The following PCSK2 variants were observed in gnomAD, a reference collection of about 807,000 sequenced individuals.
PCSK2 encodes neuroendocrine convertase 2.
PCSK2 carries 14 observed loss-of-function variants against 69.7 expected under a neutral mutation model. The ratio of observed to expected loss-of-function variants is 0.20; its 90% CI spans 0.13 to 0.31. The LOEUF (loss-of-function observed/expected upper bound fraction) is 0.31. Ranked by LOEUF, PCSK2 falls within the 10% of genes least tolerant of loss-of-function variation. The probability of loss-of-function intolerance (pLI) is 1.00; values close to 1 mark genes in which losing one functional copy is unlikely to be tolerated. For synonymous variants in PCSK2, 307 were observed against 320.7 expected (o/e 0.96, Z 0.46); for missense variants, 544 against 842.5 (o/e 0.65, Z 4.39).
intron 2 of PCSK2, among the ~76,000 whole-genome samples, chr20:17,312,664 A>G (rs1454139346): frequency 6.6e-6 from 1 of 151,986 alleles, no homozygotes; most frequent in Non-Finnish European, 1.5e-5. Flanking sequence ...GCCAGGTCAG[A>G]TGATTTTTTT....
At chr20:17,436,253 C>A (rs2123350350) in intron 7 of PCSK2, among the ~76,000 whole-genome samples, 1 of 152,284 alleles carries the variant, frequency 6.6e-6, no homozygotes, top group South Asian at 2.1e-4. Context: ...TCTCTCTGTC[C>A]CCTGCCCTCT....
chr20:17,226,847 G>T (rs529820524), upstream of PCSK2: 7 of 143,104 alleles, frequency 4.9e-5, no homozygotes, highest in African/African-American at 7.6e-5. Flanking sequence ...GGAGGCGGCC[G>T]GGCCGGGCCG....
chr20:17,476,674 T>C (rs1247117460), intron 11 of PCSK2, among the ~76,000 whole-genome samples: 2 of 152,358 alleles, frequency 1.3e-5, no homozygotes, highest in Non-Finnish European at 1.5e-5. Context: ...GCTCAGATCA[T>C]GCAAATACTT....
chr20:17,238,548 C>G (rs540352539), intron 1 of PCSK2, among the ~76,000 whole-genome samples: 1 of 152,204 alleles, frequency 6.6e-6, no homozygotes, highest in South Asian at 2.1e-4. Flanking sequence ...AGCATTTGAG[C>G]CTTGTTGCTC....
chr20:17,386,922 A>G (rs2031251660), intron 5 of PCSK2, among the ~76,000 whole-genome samples: 1 of 152,194 alleles, frequency 6.6e-6, no homozygotes, highest in African/African-American at 2.4e-5. Flanking sequence ...AGACCTTTGC[A>G]CTAAATACCT....
chr20:17,402,454 T>C (rs1387056300), intron 5 of PCSK2, among the ~76,000 whole-genome samples: 1 of 147,424 alleles, frequency 6.8e-6, no homozygotes, highest in African/African-American at 2.5e-5. Context: ...TCACTTGACG[T>C]CTGGAGTTCG....
chr20:17,243,167 TATTTC>T (rs1986646903), intron 1 of PCSK2, among the ~76,000 whole-genome samples: 1 of 152,220 alleles, frequency 6.6e-6, no homozygotes, highest in South Asian at 2.1e-4. Flanking sequence ...ATGTACTCTA[TATTTC>T]ATTTCCAATG....
At position 17,478,789 on chromosome 20, in the gene PCSK2, G is replaced by T. The variant is rs546115465; in HGVS notation, c.1431-2795G>T. Among the ~76,000 whole-genome samples, 9 of 152,160 alleles carry T rather than the reference G, an allele frequency of 5.9e-5. No homozygotes were observed. The South Asian group carries it at 1.7e-3, about 28-fold the overall frequency. On this transcript the variant is annotated intron_variant, in intron 11 of 11. Transcript: ENST00000262545. ...TGAATGGAGTTCCCCATCACCTTACGTACAAAATATTAGTGAAAAGCTAGT... is the reference window on the plus strand; with the variant it reads ...TGAATGGAGTTCCCCATCACCTTACTTACAAAATATTAGTGAAAAGCTAGT...
At chr20:17,341,226 C>T (rs151338542) in intron 2 of PCSK2, among the ~76,000 whole-genome samples, 13 of 152,228 alleles carry the variant, frequency 8.5e-5, no homozygotes, top group East Asian at 3.9e-4. Flanking sequence ...GAAGGCAGAG[C>T]GGGACTGTCT....
At chr20:17,467,753 G>A (rs768120864) in intron 11 of PCSK2, among the ~76,000 whole-genome samples, 9 of 151,894 alleles carry the variant, frequency 5.9e-5, no homozygotes, top group Admixed American at 3.3e-4. Flanking sequence ...TTTTTCCTCC[G>A]CAGGCTGCTG....
At chr20:17,329,089 C>A (rs1414622672) in intron 2 of PCSK2, among the ~76,000 whole-genome samples, 1 of 152,126 alleles carries the variant, frequency 6.6e-6, no homozygotes, top group African/African-American at 2.4e-5. Flanking sequence ...AATTAAAATA[C>A]CAAACACAGT....
intron 5 of PCSK2, among the ~76,000 whole-genome samples, chr20:17,402,393 C>T (rs1455621619): frequency 6.6e-6 from 1 of 152,206 alleles, no homozygotes; most frequent in African/African-American, 2.4e-5. Flanking sequence ...TGGCCAGGCA[C>T]AGAGGCTCAT....
At chr20:17,329,062 TA>T (rs1401408284) in intron 2 of PCSK2, among the ~76,000 whole-genome samples, 4 of 152,194 alleles carry the variant, frequency 2.6e-5, no homozygotes, top group Non-Finnish European at 5.9e-5. Context: ...ACTAGCTTTT[TA>T]ATTAAAAATA....
At chr20:17,430,166 G>A (rs866738962) in intron 7 of PCSK2, among the ~76,000 whole-genome samples, 2 of 152,032 alleles carry the variant, frequency 1.3e-5, no homozygotes. Flanking sequence ...TTAGAAATAA[G>A]AGTGGCAAGT....
At chr20:17,382,097 C>T (rs2031103979) in intron 5 of PCSK2, among the ~76,000 whole-genome samples, 1 of 152,106 alleles carries the variant, frequency 6.6e-6, no homozygotes, top group East Asian at 1.9e-4. Flanking sequence ...ATTAATAACT[C>T]GCAAATCCAT....
chr20:17,317,239 A>G (rs1244627056), intron 2 of PCSK2, among the ~76,000 whole-genome samples: 1 of 152,188 alleles, frequency 6.6e-6, no homozygotes, highest in Non-Finnish European at 1.5e-5. Flanking sequence ...GCTGTCCCCC[A>G]GTATAAAGTG....
intron 1 of PCSK2, among the ~76,000 whole-genome samples, chr20:17,259,387 GAT>G (rs1987293647): frequency 6.6e-6 from 1 of 152,190 alleles, no homozygotes; most frequent in Non-Finnish European, 1.5e-5. Context: ...AAAAGGGAGA[GAT>G]CTGGGAACTT....
At chr20:17,472,700 G>C (rs1272264829) in intron 11 of PCSK2, among the ~76,000 whole-genome samples, 2 of 152,104 alleles carry the variant, frequency 1.3e-5, no homozygotes, top group Non-Finnish European at 2.9e-5. Context: ...CTGAGTAGCT[G>C]GGACTACAGG....
At chr20:17,254,176 C>T (rs1003956970) in intron 1 of PCSK2, among the ~76,000 whole-genome samples, 12 of 152,096 alleles carry the variant, frequency 7.9e-5, no homozygotes, top group Non-Finnish European at 1.5e-4. Context: ...TCGTTTCCTT[C>T]GCTATTTCTT....
Sources: allele counts gnomAD v4.1 joint callset (sites outside exome capture counted in the v4.1 genomes callset), GRCh38; gene constraint gnomAD v4.1.1; transcripts MANE v1.5; gene names NCBI Gene and HGNC (gene_info 2026-07-23, HGNC 2026-07-21).